ARB2A: variants seen among roughly 807,000 people sequenced by gnomAD.
ARB2A encodes the protein cotranscriptional regulator ARB2A.
the ARB2A span, among the ~76,000 whole-genome samples, chr5:93,987,399 A>T: frequency 6.6e-6 from 1 of 152,202 alleles, no homozygotes; most frequent in Non-Finnish European, 1.5e-5. Flanking sequence ...CATTAAAGAG[A>T]CTATGATATG....
chr5:93,618,348 A>C, the ARB2A span: 1 of 152,144 alleles, frequency 6.6e-6, no homozygotes, highest in Non-Finnish European at 1.5e-5. Flanking sequence ...TTTGAATCTT[A>C]GATTTATCAG....
the ARB2A span, among the ~76,000 whole-genome samples, chr5:94,071,211 G>A: frequency 7.9e-5 from 12 of 152,094 alleles, no homozygotes; most frequent in South Asian, 2.5e-3. Flanking sequence ...ATTCAGCAAT[G>A]AAACGAAACC....
At chr5:93,682,331 A>G in the ARB2A span, among the ~76,000 whole-genome samples, 4 of 151,890 alleles carry the variant, frequency 2.6e-5, no homozygotes, top group African/African-American at 7.3e-5. Flanking sequence ...TTGTCATTGC[A>G]ATATTAGTCC....
chr5:93,852,154 T>C, the ARB2A span, among the ~76,000 whole-genome samples: 3 of 152,134 alleles, frequency 2.0e-5, no homozygotes, highest in Non-Finnish European at 4.4e-5. Context: ...TTCTAACTGG[T>C]GTGAGATGGT....
the ARB2A span, among the ~76,000 whole-genome samples, chr5:93,806,479 ACT>A: frequency 1.3e-5 from 2 of 151,850 alleles, no homozygotes; most frequent in African/African-American, 2.4e-5. Flanking sequence ...ATGAATAGTA[ACT>A]CTATTTATAA....
chr5:93,796,048 T>G, the ARB2A span, among the ~76,000 whole-genome samples: 1 of 152,212 alleles, frequency 6.6e-6, no homozygotes, highest in Non-Finnish European at 1.5e-5. Context: ...ACTTAGCATC[T>G]GGCGTAATAC....
chr5:93,764,135 A>G, the ARB2A span, among the ~76,000 whole-genome samples: 1 of 152,220 alleles, frequency 6.6e-6, no homozygotes, highest in East Asian at 1.9e-4. Context: ...CACAATTAAA[A>G]GAACTAGAGA....
chr5:93,697,565 T>A, the ARB2A span, among the ~76,000 whole-genome samples: 2 of 152,136 alleles, frequency 1.3e-5, no homozygotes, highest in Non-Finnish European at 2.9e-5. Context: ...TTTGTTTGTA[T>A]GATGCCCGCA....
At chr5:93,960,395 T>C in the ARB2A span, among the ~76,000 whole-genome samples, 1 of 152,136 alleles carries the variant, frequency 6.6e-6, no homozygotes, top group East Asian at 1.9e-4. Context: ...TTTATTTTCC[T>C]CCACGGCACA....
the ARB2A span, among the ~76,000 whole-genome samples, chr5:94,009,478 A>G: frequency 6.6e-6 from 1 of 152,050 alleles, no homozygotes; most frequent in Non-Finnish European, 1.5e-5. Flanking sequence ...AACCCTCTAA[A>G]ATAAAAATTA....
At chr5:93,866,064 G>A in the ARB2A span, 6 of 982,770 alleles carry the variant, frequency 6.1e-6, no homozygotes, top group Non-Finnish European at 7.3e-6. Context: ...TAATTCTTAA[G>A]ATGCATCCCA....
chr5:93,729,131 C>T, the ARB2A span, among the ~76,000 whole-genome samples: 5 of 151,920 alleles, frequency 3.3e-5, no homozygotes, highest in East Asian at 1.9e-4. Context: ...TCTCTCTCTC[C>T]TCACCTCGCT....
chr5:93,773,501 A>G, the ARB2A span, among the ~76,000 whole-genome samples: 2 of 152,358 alleles, frequency 1.3e-5, no homozygotes, highest in Non-Finnish European at 2.9e-5. Context: ...CTAATGGCCC[A>G]AACTCTTCGA....
chr5:93,880,333 C>G, the ARB2A span, among the ~76,000 whole-genome samples: 2 of 151,386 alleles, frequency 1.3e-5, no homozygotes, highest in South Asian at 4.2e-4. Flanking sequence ...GTTTAAAGCA[C>G]AATTCCAAAA....
At chr5:93,663,296 C>CA in the ARB2A span, among the ~76,000 whole-genome samples, 4 of 152,306 alleles carry the variant, frequency 2.6e-5, no homozygotes, top group South Asian at 8.3e-4. Flanking sequence ...TTACAGGTTA[C>CA]AAACATAAAC....
chr5:93,793,221 C>T, the ARB2A span, among the ~76,000 whole-genome samples: 1 of 143,892 alleles, frequency 6.9e-6, no homozygotes, highest in Non-Finnish European at 1.5e-5. Flanking sequence ...TACAGGCGTA[C>T]ACCAACACTT....
At chr5:93,645,229 T>TG in the ARB2A span, among the ~76,000 whole-genome samples, 7 of 152,206 alleles carry the variant, frequency 4.6e-5, no homozygotes, top group Non-Finnish European at 7.3e-5. Context: ...GGGCAGCATA[T>TG]GGGTCTCAGT....
chr5:93,764,307 C>A, the ARB2A span, among the ~76,000 whole-genome samples: 2 of 151,832 alleles, frequency 1.3e-5, no homozygotes, highest in African/African-American at 4.8e-5. Context: ...GCTAGCAAGA[C>A]TAACAAAGAA....
the ARB2A span, among the ~76,000 whole-genome samples, chr5:94,087,455 G>T: frequency 6.6e-6 from 1 of 152,014 alleles, no homozygotes; most frequent in Admixed American, 6.6e-5. Flanking sequence ...GTTACAGTAA[G>T]CTAGTTTATT....
Sources: gnomAD v4.1 joint callset for allele counts (sites outside exome capture counted in the v4.1 genomes callset) on GRCh38, gnomAD v4.1.1 for gene constraint, MANE v1.5 for transcripts, NCBI Gene and HGNC (gene_info 2026-07-23, HGNC 2026-07-21) for gene names.